Variants in HACL1 observed in about 807,000 individuals in gnomAD.
The protein encoded by HACL1 is 1600020H07Rik.
In HACL1, 64 loss-of-function variants were observed where a neutral mutation model predicts 74.2. The observed-to-expected ratio is 0.86, with a 90% CI of 0.70 to 1.06. The LOEUF is 1.06. Among genes scored for constraint, HACL1 ranks in the 50% least tolerant of loss-of-function variants. The probability of loss-of-function intolerance (pLI) is 0.00; values close to 1 mark genes in which losing one functional copy is unlikely to be tolerated. For synonymous variants in HACL1, 230 were observed against 238.8 expected (o/e 0.96, Z 0.34); for missense variants, 728 against 719.7 (o/e 1.01, Z -0.13).
Position 15,567,875 on chromosome 3 carries a change from A to G in HACL1, c.1378T>C (p.Phe460Leu). ...ICVEGDSAFG[F>L]SGMEVETICR... is the part of the protein sequence containing the mutation. ...ATGGTTTCTACCTCCATGCCAGAAAACCCAAATGCACTGTCTCCTTCCACA... is the reference window on the plus strand; with the variant it reads ...ATGGTTTCTACCTCCATGCCAGAAAGCCCAAATGCACTGTCTCCTTCCACA... Residue 460 changes from phenylalanine to leucine, a missense_variant, in exon 14 of 17, where the codon TTT becomes CTT. Phe to Leu is a conservative substitution (Grantham distance 22, BLOSUM62 0). Transcript: ENST00000321169. 1 of 1,613,982 alleles carries G rather than the reference A, an allele frequency of 6.2e-7. No homozygotes were observed. The highest frequency in any genetic ancestry group is 8.5e-7 in the Non-Finnish European group (1 of 1,179,940).
At chr3:15,592,551 T>C (rs71627135) in intron 3 of HACL1, among the ~76,000 whole-genome samples, 9,601 of 123,768 alleles carry the variant, frequency 0.078, 612 homozygotes, top group Middle Eastern at 0.11. Context: ...TGTACGCACA[T>C]GTGTGCGTGT....
chr3:15,575,164 G>T (rs1254035286), intron 9 of HACL1, 82 bp from the exon 10 acceptor site: 1 of 722,182 alleles, frequency 1.4e-6, no homozygotes, highest in Non-Finnish European at 2.4e-6. Flanking sequence ...TATTTGAAAA[G>T]TCTAAATCAT....
chr3:15,584,293 T>TA (rs1164679229), intron 7 of HACL1, among the ~76,000 whole-genome samples: 8 of 152,086 alleles, frequency 5.3e-5, no homozygotes, highest in Non-Finnish European at 7.4e-5. Context: ...CTCTCCGAAA[T>TA]AAAAAATCAC....
chr3:15,597,589 A>C (rs1164647208), intron 2 of HACL1, among the ~76,000 whole-genome samples: 1 of 148,698 alleles, frequency 6.7e-6, no homozygotes, highest in Non-Finnish European at 1.5e-5. Flanking sequence ...TAAATGAAGT[A>C]GTATACTGTC....
chr3:15,597,552 G>A (rs1188615427), intron 2 of HACL1, among the ~76,000 whole-genome samples: 1 of 145,922 alleles, frequency 6.9e-6, no homozygotes, highest in Admixed American at 6.7e-5. Context: ...ATAATGAATT[G>A]CGTATTTCCT....
intron 9 of HACL1, among the ~76,000 whole-genome samples, chr3:15,578,582 G>A (rs78403907): frequency 0.034 from 5,224 of 152,270 alleles, 127 homozygotes; most frequent in Non-Finnish European, 0.05. Flanking sequence ...AAAGGATCAG[G>A]AAAAGGGCCA....
intron 12 of HACL1, among the ~76,000 whole-genome samples, chr3:15,568,788 G>A (rs2063476870): frequency 6.6e-6 from 1 of 152,176 alleles, no homozygotes; most frequent in Non-Finnish European, 1.5e-5. Flanking sequence ...AGTCCCAGTT[G>A]GGAACACAAT....
intron 5 of HACL1, among the ~76,000 whole-genome samples, chr3:15,587,546 T>C (rs2125269166): frequency 6.6e-6 from 1 of 152,026 alleles, no homozygotes; most frequent in Non-Finnish European, 1.5e-5. Flanking sequence ...TGTTTTTAAA[T>C]TTGATCTAAT....
chr3:15,581,709 C>T (rs1248286984), intron 8 of HACL1, among the ~76,000 whole-genome samples: 1 of 152,136 alleles, frequency 6.6e-6, no homozygotes, highest in African/African-American at 2.4e-5. Flanking sequence ...TCCTTGAAAA[C>T]CCACCTCAAC....
rs961706993 is a variant in HACL1 at position 15,566,668 on chromosome 3, C to T, written c.1409+1176G>A. On this transcript the variant is annotated intron_variant, in intron 14 of 16. Coordinates refer to ENST00000321169, the MANE Select transcript of HACL1 (RefSeq NM_012260.4). ...AAGACCCCATCTTGAAAAAAAAAAA[C>T]TGCTTGGATTACCTCATTTGTTTTT... 2.6e-5 allele frequency among the ~76,000 whole-genome samples: 4 copies of T among 151,250 alleles called. No individual in the cohort carries two copies. In the South Asian group the frequency reaches 8.3e-4, roughly 31 times the overall value.
At position 15,592,058 on chromosome 3, in the gene HACL1, A is replaced by ACG. The variant is rs2063915021; in HGVS notation, c.228-379_228-378insCG. 2.2e-4 allele frequency among the ~76,000 whole-genome samples: 3 copies of ACG among 13,948 alleles called. No individual in the cohort carries two copies. In the Admixed American group the frequency reaches 3.1e-3, roughly 15 times the overall value. The allele number at this position is 13,948 out of a possible 152,430, so 9.2% of individuals were successfully genotyped here. On this transcript the variant is annotated intron_variant, in intron 3 of 16. Coordinates refer to ENST00000321169, the MANE Select transcript of HACL1 (RefSeq NM_012260.4). ...GTATATATACACACACTATATACGT[A>ACG]TATATACGTATATACGTATACGTAT... is the stretch of plus-strand genomic sequence containing the variant.
chr3:15,583,979 G>A (rs1559556287), intron 7 of HACL1, among the ~76,000 whole-genome samples: 1 of 152,000 alleles, frequency 6.6e-6, no homozygotes, highest in African/African-American at 2.4e-5. Context: ...CACTCACTGG[G>A]TGTTAATATT....
intron 3 of HACL1, among the ~76,000 whole-genome samples, chr3:15,593,664 A>G (rs2063999166): frequency 6.6e-6 from 1 of 152,110 alleles, no homozygotes; most frequent in Non-Finnish European, 1.5e-5. Flanking sequence ...TTGACTGCTG[A>G]GTTCATTTTT....
intron 5 of HACL1, among the ~76,000 whole-genome samples, chr3:15,588,581 A>G (rs115238558): frequency 0.026 from 3,881 of 152,182 alleles, 138 homozygotes; most frequent in African/African-American, 0.078. Flanking sequence ...CAACACAGCC[A>G]TATCCTGTCT....
chr3:15,587,430 C>CA (rs1235657604), intron 5 of HACL1, among the ~76,000 whole-genome samples: 2 of 139,514 alleles, frequency 1.4e-5, no homozygotes, highest in Non-Finnish European at 3.1e-5. Context: ...CTGATAGTCC[C>CA]ACAGGCATGA....
chr3:15,600,523 T>C (rs1434640529), intron 2 of HACL1, among the ~76,000 whole-genome samples: 1 of 152,220 alleles, frequency 6.6e-6, no homozygotes, highest in Non-Finnish European at 1.5e-5. Context: ...CAGCATGATG[T>C]GGTGGAAAAA....
chr3:15,591,465 T>C, intron 4 of HACL1, 135 bp downstream of exon 4: 4 of 535,180 alleles, frequency 7.5e-6, no homozygotes, highest in Non-Finnish European at 1.4e-5. Context: ...TAACTAACTC[T>C]ACTTTCAGTT....
chr3:15,577,817 G>A (rs1256059409), intron 9 of HACL1, among the ~76,000 whole-genome samples: 8 of 150,544 alleles, frequency 5.3e-5, no homozygotes, highest in Non-Finnish European at 1.2e-4. Flanking sequence ...CCCAAAAACC[G>A]GCTGGGCGCA....
In HACL1 at chr3:15,601,102, C is replaced by T. The variant is rs781159497; in HGVS notation, c.174G>A (p.Arg58=). The T allele has an allele frequency of 3.7e-6, 6 of 1,610,846 alleles. No individual in the cohort carries two copies. The Admixed American group carries it at 1.0e-4, about 27-fold the overall frequency. The change falls in exon 2 of 17, where the codon AGG becomes AGA. Residue 58 remains arginine (R), a synonymous_variant. Coordinates refer to ENST00000321169, the MANE Select transcript of HACL1 (RefSeq NM_012260.4). ...QQLGIKYIGM[R]NEQAACYAAS... Reference sequence around the variant, plus strand: ...AGTCCATACTCACCGCTTGCTCATTCCTCATCCCGATGTACTTGATGCCTA... The same window carrying T: ...AGTCCATACTCACCGCTTGCTCATTTCTCATCCCGATGTACTTGATGCCTA...
Sources: allele counts gnomAD v4.1 joint callset (sites outside exome capture counted in the v4.1 genomes callset), GRCh38; gene constraint gnomAD v4.1.1; transcripts MANE v1.5; gene names NCBI Gene and HGNC (gene_info 2026-07-23, HGNC 2026-07-21).